The following DENND1B variants were observed in gnomAD, a reference collection of about 807,000 sequenced individuals.
DENND1B encodes DENN domain containing 1B, also known as DENN domain-containing protein 1B.
In DENND1B, 59 loss-of-function variants were observed where a neutral mutation model predicts 90.1. That is an observed-to-expected ratio of 0.65 (90% CI 0.53 to 0.81). The LOEUF is 0.81. DENND1B is among the 40% of genes least tolerant of loss of function. DENND1B has a pLI of 0.00. For missense variants in DENND1B, 862 were observed against 912.6 expected (o/e 0.94, Z 0.71); for synonymous variants, 337 against 324.6 (o/e 1.04, Z -0.41).
intron 2 of DENND1B, chr1:197,761,859 C>T: frequency 6.6e-6 from 1 of 151,540 alleles, no homozygotes; most frequent in Non-Finnish European, 1.5e-5. Context: ...TTGATCTTTA[C>T]CAGTTCTGCC....
intron 14 of DENND1B, among the ~76,000 whole-genome samples, chr1:197,594,024 A>G (rs1253549946): frequency 2.0e-5 from 3 of 152,172 alleles, no homozygotes; most frequent in Non-Finnish European, 4.4e-5. Flanking sequence ...CCTTATAACT[A>G]TGAACAACTT....
chr1:197,538,199 A>G (rs1214470043), intron 20 of DENND1B, among the ~76,000 whole-genome samples: 2 of 152,162 alleles, frequency 1.3e-5, no homozygotes, highest in African/African-American at 4.8e-5. Flanking sequence ...TCTACTCGCC[A>G]TGGTAAAGAT....
intron 14 of DENND1B, 60 bp downstream of exon 14, chr1:197,595,146 CTG>C: frequency 1.3e-6 from 2 of 1,522,534 alleles, no homozygotes; most frequent in Non-Finnish European, 1.8e-6. Context: ...CTCTTTTTTT[CTG>C]TCTCATTCCA....
upstream of DENND1B, among the ~76,000 whole-genome samples, chr1:197,777,565 G>A (rs1657330418): frequency 6.6e-6 from 1 of 152,064 alleles, no homozygotes; most frequent in African/African-American, 2.4e-5. Context: ...TAATGAAATC[G>A]ATGGTATAAC....
chr1:197,553,247 T>C (rs1380930271), intron 15 of DENND1B, 135 bp from the exon 16 acceptor site: 6 of 636,696 alleles, frequency 9.4e-6, no homozygotes, highest in Admixed American at 7.8e-5. Flanking sequence ...AAATTACACA[T>C]ATATGGTGTA....
rs1184199344 is a variant in DENND1B, at chr1:197,509,840, C to T, written c.*620G>A. 2 of 151,970 alleles carry T rather than the reference C, an allele frequency of 1.3e-5. No homozygotes were observed. The highest frequency in any genetic ancestry group is 3.0e-5 in the Non-Finnish European group (2 of 67,776). 9.4% of individuals were successfully genotyped at this position (151,970 alleles called of 1,614,324 possible). ...TTTTTATACTTTTTGGAAAACATGGCTATAGTGCTTTATATAAGCAAATTA... is the reference window on the plus strand; with the variant it reads ...TTTTTATACTTTTTGGAAAACATGGTTATAGTGCTTTATATAAGCAAATTA... On this transcript the variant is annotated 3_prime_UTR_variant, in exon 23 of 23. Transcript: ENST00000620048.
intron 15 of DENND1B, among the ~76,000 whole-genome samples, chr1:197,573,358 TC>T (rs1480189528): frequency 1.3e-5 from 2 of 152,182 alleles, no homozygotes; most frequent in African/African-American, 2.4e-5. Flanking sequence ...CTCGTTGGTT[TC>T]AAAGAACATC....
intron 21 of DENND1B, among the ~76,000 whole-genome samples, chr1:197,512,319 G>C (rs952838333): frequency 4.0e-5 from 6 of 151,568 alleles, no homozygotes; most frequent in Non-Finnish European, 8.9e-5. Flanking sequence ...ACTTATTTTA[G>C]AGGAGAATGC....
At chr1:197,568,613 T>C (rs1036671634) in intron 15 of DENND1B, among the ~76,000 whole-genome samples, 2 of 152,054 alleles carry the variant, frequency 1.3e-5, no homozygotes, top group Non-Finnish European at 2.9e-5. Context: ...TATGAAGCCA[T>C]AATAACCAAA....
In DENND1B at chr1:197,507,088, G is replaced by T. The variant is rs945353446; in HGVS notation, c.*3372C>A. 6.7e-6 allele frequency: 1 copy of T among 150,340 alleles called. No individual in the cohort carries two copies. The highest frequency in any genetic ancestry group is 1.5e-5 in the Non-Finnish European group (1 of 67,270). The allele number at this position is 150,340 out of a possible 1,614,324, so 9.3% of individuals were successfully genotyped here. ...GCTTTAAATTAAGCAGCCAGTTTTT[G>T]TTCTTTTTTTTTGAACTTTTTGTGT... is the stretch of plus-strand genomic sequence containing the variant. On this transcript the variant is annotated 3_prime_UTR_variant, in exon 23 of 23. Transcript: ENST00000620048.
In DENND1B at chr1:197,762,261, T is replaced by C. The variant is rs75305824; in HGVS notation, c.82+10607A>G. 2.6e-5 allele frequency among the ~76,000 whole-genome samples: 4 copies of C among 152,118 alleles called. No homozygotes were observed. The East Asian group carries it at 7.7e-4, about 29-fold the overall frequency. ...CACGAGACAGACACCAAAAGGCTTA[T>C]TAGTCAGCATTTTTTTTTTTTTTGA... On this transcript the variant is annotated intron_variant, in intron 2 of 22. Transcript: ENST00000620048.
At chr1:197,518,522 T>A (rs1173284047) in intron 20 of DENND1B, among the ~76,000 whole-genome samples, 1 of 151,906 alleles carries the variant, frequency 6.6e-6, no homozygotes, top group African/African-American at 2.4e-5. Flanking sequence ...GGAACTCACC[T>A]TAATTTACAG....
At chr1:197,779,351 T>C (rs552046411), upstream of DENND1B, among the ~76,000 whole-genome samples, 1 of 152,316 alleles carries the variant, frequency 6.6e-6, no homozygotes, top group South Asian at 2.1e-4. Flanking sequence ...TTCATTTTTG[T>C]CTTTAGTTTT....
At chr1:197,754,248 A>G (rs1459937519) in intron 2 of DENND1B, among the ~76,000 whole-genome samples, 1 of 152,156 alleles carries the variant, frequency 6.6e-6, no homozygotes, top group African/African-American at 2.4e-5. Flanking sequence ...AAGACTATAT[A>G]TCTTTTCGGA....
chr1:197,594,546 A>G (rs576971336), intron 14 of DENND1B, among the ~76,000 whole-genome samples: 13 of 152,288 alleles, frequency 8.5e-5, no homozygotes, highest in Non-Finnish European at 1.9e-4. Flanking sequence ...AGAATAGTGT[A>G]ATAATTTCTG....
intron 3 of DENND1B, among the ~76,000 whole-genome samples, chr1:197,680,772 C>T (rs1352494007): frequency 6.6e-6 from 1 of 152,138 alleles, no homozygotes; most frequent in Non-Finnish European, 1.5e-5. Context: ...GTATGACGTA[C>T]TTAACTCATT....
intron 2 of DENND1B, among the ~76,000 whole-genome samples, chr1:197,772,013 G>A (rs919157972): frequency 3.3e-5 from 5 of 152,070 alleles, no homozygotes; most frequent in South Asian, 2.1e-4. Context: ...GAAATTGTAC[G>A]GAACTGACAG....
intron 11 of DENND1B, among the ~76,000 whole-genome samples, chr1:197,616,194 C>A (rs557285399): frequency 5.0e-4 from 76 of 150,730 alleles, no homozygotes; most frequent in African/African-American, 1.6e-3. Flanking sequence ...AATCATATAT[C>A]AATATATTTC....
At chr1:197,542,794 A>C (rs1225323853) in intron 18 of DENND1B, among the ~76,000 whole-genome samples, 1 of 152,176 alleles carries the variant, frequency 6.6e-6, no homozygotes, top group African/African-American at 2.4e-5. Context: ...ACCTGCCCCA[A>C]ACCTCCTGAT....
Sources: gnomAD v4.1 joint callset for allele counts (sites outside exome capture counted in the v4.1 genomes callset) on GRCh38, gnomAD v4.1.1 for gene constraint, MANE v1.5 for transcripts, NCBI Gene and HGNC (gene_info 2026-07-23, HGNC 2026-07-21) for gene names.